Variants in NBPF9 observed in about 807,000 individuals in gnomAD.
The protein encoded by NBPF9 is NBPF family member NBPF9.
In NBPF9, 91 loss-of-function variants were observed where a neutral mutation model predicts 97.8. The ratio of observed to expected loss-of-function variants is 0.93; its 90% CI spans 0.79 to 1.11. The LOEUF (loss-of-function observed/expected upper bound fraction) is 1.11, where lower values mean the gene tolerates loss of function less well. NBPF9 is among the 50% of genes least tolerant of loss of function. The probability of loss-of-function intolerance (pLI) is 0.00; values close to 1 mark genes in which losing one functional copy is unlikely to be tolerated. For missense variants in NBPF9, 992 were observed against 939.5 expected (o/e 1.06, Z -0.73); for synonymous variants, 334 against 359.5 (o/e 0.93, Z 0.80).
chr1:149,088,329 C>G (rs1447889621), intron 5 of NBPF9, among the ~76,000 whole-genome samples: 2 of 151,824 alleles, frequency 1.3e-5, no homozygotes, highest in African/African-American at 4.8e-5. Context: ...GCATTGTTAA[C>G]AAACACAGTC....
At position 149,055,933 on chromosome 1, in the gene NBPF9, G is replaced by C. The variant is rs782502877; in HGVS notation, c.3093-34C>G. On this transcript the variant is annotated intron_variant, in intron 29 of 29. Transcript: ENST00000584027. ...GGAGACAAAACTAAAGAAGCAGCCA[G>C]GGAAAATCAGACACCACAGAGCCCC... 4 of 1,611,782 alleles carry C rather than the reference G, an allele frequency of 2.5e-6. No homozygotes were observed. In the South Asian group the frequency reaches 4.4e-5, roughly 18 times the overall value.
At position 149,073,950 on chromosome 1, in the gene NBPF9, G is replaced by T. The variant is rs587700201; in HGVS notation, c.989-80C>A. 275 of 928,304 alleles carry T rather than the reference G, an allele frequency of 3.0e-4. 8 individuals are homozygous for T. Among genetic ancestry groups the T allele is most frequent in the South Asian group, 7.3e-4 (52 of 71,582 alleles). The allele number at this position is 928,304 out of a possible 1,614,324, so 57.5% of individuals were successfully genotyped here. A position where few individuals can be genotyped will look rare whatever the true frequency, so the allele number is the denominator to read the frequency against. Reference sequence around the variant, plus strand: ...TCACTGCCTACAGGGCAGGAGCCAGGTCCATCCCAAGGACAAAACTCTCCC... The same window carrying T: ...TCACTGCCTACAGGGCAGGAGCCAGTTCCATCCCAAGGACAAAACTCTCCC... On this transcript the variant is annotated intron_variant, in intron 12 of 29. Coordinates refer to ENST00000584027, the Ensembl canonical transcript of NBPF9.
intron 4 of NBPF9, among the ~76,000 whole-genome samples, chr1:149,097,158 T>TGGGAGAGAAGTAGGGAA (rs1401423645): frequency 2.3e-5 from 3 of 128,704 alleles, no homozygotes; most frequent in Non-Finnish European, 3.3e-5. Flanking sequence ...AGAAAAAGAG[T>TGGGAGAGAAGTAGGGAA]GGGAGAGAAG....
At chr1:149,082,111 C>T (rs201298356) in exon 7 of NBPF9, 3 of 1,611,788 alleles carry the variant, frequency 1.9e-6, no homozygotes, top group Middle Eastern at 2.1e-4. Context: ...TGCCTTCTCG[C>T]TGGACCAAGG....
chr1:149,075,777 A>G lies in NBPF9; in HGVS notation c.866T>C (p.Leu289Pro), dbSNP rs781870132. The G allele has an allele frequency of 1.1e-5, 17 of 1,585,844 alleles. No individual in the cohort carries two copies. The Admixed American group carries it at 2.7e-4, about 25-fold the overall frequency. Residue 289 changes from leucine to proline, a missense_variant, in exon 12 of 30, where the codon CTA becomes CCA. Physicochemically the swap from Leu to Pro is moderately conservative, Grantham distance 98. Coordinates refer to ENST00000584027, the Ensembl canonical transcript of NBPF9. ...GGGGCGCAATTTCTCATTGATTTCT[A>G]GAATGTTCATCTCTGCCTTCTCGCT...
At chr1:149,100,924 G>C (rs1280207630) in intron 3 of NBPF9, among the ~76,000 whole-genome samples, 1 of 150,252 alleles carries the variant, frequency 6.7e-6, no homozygotes, top group African/African-American at 2.4e-5. Flanking sequence ...ATAGAGTGAG[G>C]CCCTGTCTGA....
At chr1:149,056,095 C>A (rs76244299) in intron 29 of NBPF9, among the ~76,000 whole-genome samples, 196 bp from the exon 30 acceptor site, 2 of 151,524 alleles carry the variant, frequency 1.3e-5, no homozygotes, top group Non-Finnish European at 2.9e-5. Flanking sequence ...AAGAGAAAGA[C>A]AGAGAGAGAA....
chr1:149,079,585 C>T (rs1486145533), intron 8 of NBPF9, among the ~76,000 whole-genome samples: 1 of 147,992 alleles, frequency 6.8e-6, no homozygotes, highest in Non-Finnish European at 1.5e-5. Flanking sequence ...AGATACAAAG[C>T]CATGTACAGA....
At chr1:149,081,154 C>T (rs2080401745) in intron 7 of NBPF9, among the ~76,000 whole-genome samples, 1 of 152,106 alleles carries the variant, frequency 6.6e-6, no homozygotes, top group African/African-American at 2.4e-5. Context: ...GAGTCTTGCC[C>T]TGTCACCCAT....
At chr1:149,080,095 T>A (rs1299032564) in exon 8 of NBPF9, 13 of 1,451,008 alleles carry the variant, frequency 9.0e-6, no homozygotes, top group Non-Finnish European at 1.1e-5. Context: ...AAGCTTCTCC[T>A]CCTTGAACTG....
intron 17 of NBPF9, chr1:149,065,957 A>G (rs1429145873): frequency 1.2e-5 from 7 of 590,446 alleles, no homozygotes; most frequent in Middle Eastern, 4.6e-4. Flanking sequence ...GTAAACTACC[A>G]TCATGTCTTG....
chr1:149,103,355 A>AGCCGCGCC (rs1168169016), exon 1 of NBPF9: 1 of 152,072 alleles, frequency 6.6e-6, no homozygotes, highest in Admixed American at 6.5e-5. Context: ...TCCAGACGGC[A>AGCCGCGCC]GCCGCGCCGC....
intron 3 of NBPF9, among the ~76,000 whole-genome samples, chr1:149,099,592 C>T (rs1315265025): frequency 3.9e-5 from 6 of 152,060 alleles, no homozygotes; most frequent in African/African-American, 1.2e-4. Context: ...TGAACACATA[C>T]AAAATAATCA....
At chr1:149,060,570 A>G in exon 24 of NBPF9, 1 of 384,834 alleles carries the variant, frequency 2.6e-6, no homozygotes, top group East Asian at 3.3e-5. Flanking sequence ...CAATGCATAA[A>G]AGGAACTTCC....
Position 149,078,875 on chromosome 1 carries a change from T to C in NBPF9, c.493+132A>G, listed in dbSNP as rs1414519832. Reference sequence around the variant, plus strand: ...ATCTCTGTTCTTACCCAGGAAGTCCTGATCGTGTCATGGCCACATATGTGT... The same window carrying C: ...ATCTCTGTTCTTACCCAGGAAGTCCCGATCGTGTCATGGCCACATATGTGT... On this transcript the variant is annotated intron_variant, in intron 9 of 29. Transcript: ENST00000584027. 42 of 1,532,840 alleles carry C rather than the reference T, an allele frequency of 2.7e-5. 1 individual carries two copies. The highest frequency in any genetic ancestry group is 3.8e-5 in the Non-Finnish European group (42 of 1,112,434). The allele number at this position is 1,532,840 out of a possible 1,614,324, so 95.0% of individuals were successfully genotyped here.
intron 4 of NBPF9, among the ~76,000 whole-genome samples, chr1:149,097,739 T>C (rs1311952262): frequency 6.6e-6 from 1 of 152,076 alleles, no homozygotes. Context: ...ATGGGGTCTC[T>C]AGCCCAGAGC....
At chr1:149,063,206 C>T (rs1265848190) in intron 20 of NBPF9, among the ~76,000 whole-genome samples, 57,881 of 127,920 alleles carry the variant, frequency 0.45, 12,332 homozygotes, top group Middle Eastern at 0.53. Flanking sequence ...AAAGCAAATG[C>T]CCCCAAATGG....
At chr1:149,085,254 A>G (rs1449846773) in intron 5 of NBPF9, among the ~76,000 whole-genome samples, 1 of 122,882 alleles carries the variant, frequency 8.1e-6, no homozygotes, top group Admixed American at 7.8e-5. Context: ...AGATTCTACT[A>G]AAAAAAAATC....
At chr1:149,076,691 G>A (rs1329993451) in intron 11 of NBPF9, among the ~76,000 whole-genome samples, 1 of 146,172 alleles carries the variant, frequency 6.8e-6, no homozygotes, top group Non-Finnish European at 1.5e-5. Flanking sequence ...TGCATTTTTA[G>A]TAAAGACGGG....
Sources: allele counts gnomAD v4.1 joint callset (sites outside exome capture counted in the v4.1 genomes callset), GRCh38; gene constraint gnomAD v4.1.1; transcripts MANE v1.5; gene names NCBI Gene and HGNC (gene_info 2026-07-23, HGNC 2026-07-21).